STPG2: variants seen among roughly 807,000 people sequenced by gnomAD.
STPG2 encodes the protein sperm tail PG-rich repeat containing 2.
A neutral mutation model predicts 54.2 loss-of-function variants in STPG2; 56 were observed. That is an observed-to-expected ratio of 1.03 (90% CI 0.83 to 1.29). The LOEUF (loss-of-function observed/expected upper bound fraction) is 1.29, where lower values mean the gene tolerates loss of function less well. STPG2 is among the 50% of genes most tolerant of loss of function. STPG2 has a pLI of 0.00. For missense variants in STPG2, 596 were observed against 544.9 expected, an observed-to-expected ratio of 1.09 and a Z score of -0.93; for synonymous variants, 200 against 181.8, an observed-to-expected ratio of 1.10 and a Z score of -0.81.
intron 10 of STPG2, among the ~76,000 whole-genome samples, chr4:97,571,080 G>A (rs183568117): frequency 5.3e-5 from 8 of 151,844 alleles, no homozygotes; most frequent in Admixed American, 3.9e-4. Flanking sequence ...TGCTAAAGTT[G>A]AACTTCTTGG....
At chr4:98,106,564 G>A (rs1401106830) in intron 4 of STPG2, among the ~76,000 whole-genome samples, 1 of 152,108 alleles carries the variant, frequency 6.6e-6, no homozygotes, top group Admixed American at 6.6e-5. Context: ...CAGTGAGCAA[G>A]AGCCCCAGCT....
chr4:98,064,931 ACTCTGTCAC>A (rs929754223), intron 5 of STPG2, among the ~76,000 whole-genome samples: 170 of 152,194 alleles, frequency 1.1e-3, no homozygotes, highest in African/African-American at 3.9e-3. Context: ...ACAGGGTCTC[ACTCTGTCAC>A]CCAGACTGGA....
chr4:98,140,192 G>A (rs1448249767), intron 1 of STPG2, among the ~76,000 whole-genome samples: 1 of 152,164 alleles, frequency 6.6e-6, no homozygotes, highest in Non-Finnish European at 1.5e-5. Flanking sequence ...GAGGCACAGA[G>A]GTGAGTGAGC....
At chr4:97,740,978 A>G (rs933138374) in intron 9 of STPG2, among the ~76,000 whole-genome samples, 4 of 152,240 alleles carry the variant, frequency 2.6e-5, no homozygotes, top group African/African-American at 7.2e-5. Context: ...ACAAGACTAC[A>G]GTAACCAAAA....
At chr4:97,494,722 A>G (rs1396291354) in intron 4 of STPG2, among the ~76,000 whole-genome samples, 1 of 37,076 alleles carries the variant, frequency 2.7e-5, no homozygotes, top group African/African-American at 3.1e-4. Flanking sequence ...CGGAAGGAGT[A>G]AGGATTTTTT....
At chr4:97,756,284 T>C (rs1479233071) in intron 9 of STPG2, among the ~76,000 whole-genome samples, 1 of 152,116 alleles carries the variant, frequency 6.6e-6, no homozygotes, top group African/African-American at 2.4e-5. Context: ...CTTAATAAAT[T>C]ATCCCAATTC....
intron 5 of STPG2, among the ~76,000 whole-genome samples, chr4:97,994,573 C>G (rs554061004): frequency 6.6e-6 from 1 of 152,248 alleles, no homozygotes; most frequent in East Asian, 1.9e-4. Context: ...ATTATTGTTT[C>G]TCTTCCAGAT....
intron 10 of STPG2, among the ~76,000 whole-genome samples, chr4:97,672,797 C>A (rs1415879351): frequency 6.6e-6 from 1 of 152,144 alleles, no homozygotes. Context: ...CACACGAAGG[C>A]ACGTGATAAT....
intron 9 of STPG2, among the ~76,000 whole-genome samples, chr4:97,837,451 A>G (rs146633282): frequency 1.9e-3 from 295 of 151,906 alleles, no homozygotes; most frequent in African/African-American, 7.0e-3. Context: ...TGAGAGATAA[A>G]GTGATGCTTA....
chr4:97,608,655 G>A (rs1733653806), intron 10 of STPG2, among the ~76,000 whole-genome samples: 1 of 151,896 alleles, frequency 6.6e-6, no homozygotes, highest in Non-Finnish European at 1.5e-5. Flanking sequence ...TAAGGAGTCT[G>A]TTTTTCAGAA....
intron 4 of STPG2, among the ~76,000 whole-genome samples, chr4:97,502,237 T>C (rs1197493353): frequency 6.6e-6 from 1 of 151,900 alleles, no homozygotes; most frequent in Non-Finnish European, 1.5e-5. Flanking sequence ...TTTAACAGAA[T>C]ATTCAGAAAT....
At chr4:97,896,216 G>A (rs1436126917) in intron 8 of STPG2, among the ~76,000 whole-genome samples, 1 of 151,680 alleles carries the variant, frequency 6.6e-6, no homozygotes, top group Non-Finnish European at 1.5e-5. Flanking sequence ...TATTCCACCT[G>A]AACTCATCAC....
At chr4:97,505,284 G>A (rs567175320) in intron 4 of STPG2, among the ~76,000 whole-genome samples, 15 of 151,924 alleles carry the variant, frequency 9.9e-5, no homozygotes, top group African/African-American at 3.6e-4. Context: ...TTTTTATCAT[G>A]AGTACCCTCA....
chr4:97,851,072 C>T (rs1729145880), intron 8 of STPG2, among the ~76,000 whole-genome samples: 1 of 152,136 alleles, frequency 6.6e-6, no homozygotes, highest in Non-Finnish European at 1.5e-5. Context: ...TCCCTGAATT[C>T]ATTAGCTCTT....
chr4:97,775,131 G>A (rs1351649679), intron 9 of STPG2, among the ~76,000 whole-genome samples: 1 of 152,192 alleles, frequency 6.6e-6, no homozygotes, highest in African/African-American at 2.4e-5. Flanking sequence ...CGCATAAATA[G>A]AAAGGAATGT....
rs575151800 is a variant in STPG2 at position 97,467,843 on chromosome 4, C to CTT, written c.462+244854_462+244855dup. ...CTGTTAGTTATTAAAGCTGCTTTTG[C>CTT]TTTTTTTTTTTTTTTAAGATGGGAT... On this transcript the variant is annotated intron_variant, in intron 4 of 4. Coordinates refer to the STPG2 transcript ENST00000522676. Among the ~76,000 whole-genome samples the CTT allele has an allele frequency of 2.7e-3, 360 of 134,012 alleles. 2 individuals are homozygous for CTT. The highest frequency in any genetic ancestry group is 8.0e-3 in the African/African-American group (295 of 37,072). The allele number at this position is 134,012 out of a possible 152,430, so 87.9% of individuals were successfully genotyped here. A position where few individuals can be genotyped will look rare whatever the true frequency, so the allele number is the denominator to read the frequency against.
chr4:97,937,033 A>T (rs1732768884), intron 8 of STPG2, among the ~76,000 whole-genome samples: 1 of 151,242 alleles, frequency 6.6e-6, no homozygotes, highest in Non-Finnish European at 1.5e-5. Flanking sequence ...TAGGTTCAGT[A>T]TTTTTTCATA....
chr4:98,024,032 C>T (rs898350658), intron 5 of STPG2, among the ~76,000 whole-genome samples: 1 of 151,984 alleles, frequency 6.6e-6, no homozygotes, highest in African/African-American at 2.4e-5. Flanking sequence ...GTTCGCTGCA[C>T]CCACTGTCCT....
At chr4:97,808,697 C>CA (rs35441618) in intron 9 of STPG2, among the ~76,000 whole-genome samples, 61,331 of 142,338 alleles carry the variant, frequency 0.43, 13,189 homozygotes, top group East Asian at 0.53. Flanking sequence ...AGACAAAAAC[C>CA]AAAAAAAAAA....
Sources: gnomAD v4.1 joint callset for allele counts (sites outside exome capture counted in the v4.1 genomes callset) on GRCh38, gnomAD v4.1.1 for gene constraint, MANE v1.5 for transcripts, NCBI Gene and HGNC (gene_info 2026-07-23, HGNC 2026-07-21) for gene names.